The following MED13L variants were observed in gnomAD, a reference collection of about 807,000 sequenced individuals.
The protein encoded by MED13L is mediator complex subunit 13L.
MED13L carries 7 observed loss-of-function variants against 220.9 expected under a neutral mutation model. That is an observed-to-expected ratio of 0.03 (90% CI 0.02 to 0.06). MED13L has a LOEUF of 0.06. Ranked by LOEUF, MED13L falls within the 10% of genes least tolerant of loss-of-function variation. The pLI is 1.00. For synonymous variants in MED13L, 1,011 were observed against 1,015.2 expected (o/e 1.00, Z 0.08); for missense variants, 1,965 against 2,760.5 (o/e 0.71, Z 6.46).
At chr12:116,024,777 G>A (rs1187461773) in intron 4 of MED13L, among the ~76,000 whole-genome samples, 1 of 96,290 alleles carries the variant, frequency 1.0e-5, no homozygotes, top group Admixed American at 1.1e-4. Flanking sequence ...GCGGGGCGGG[G>A]GGGGGGGGGA....
At chr12:116,272,991 A>G (rs1289416916) in intron 1 of MED13L, among the ~76,000 whole-genome samples, 2 of 152,236 alleles carry the variant, frequency 1.3e-5, no homozygotes, top group Non-Finnish European at 2.9e-5. Flanking sequence ...ATACATTAAC[A>G]AATTGTAAAT....
rs139711748 is a variant in MED13L, at chr12:115,991,624, A to G, written c.3330T>C (p.Tyr1110=). The change falls in exon 17 of 31, where the codon TAT becomes TAC. Residue 1110 remains tyrosine (Y), a synonymous_variant. Transcript: ENST00000281928. This position sits in a 1 kb window ranked among gnomAD's most constrained non-coding sequence, Gnocchi z 7.7. ...MQPIPEAHSL[Y]VTLILSDSVM... Reference sequence around the variant, plus strand: ...CGGAATCGGAGAGAATCAGGGTAACATAGAGGCTGTGGGCTTCGGGAATTG... The same window carrying G: ...CGGAATCGGAGAGAATCAGGGTAACGTAGAGGCTGTGGGCTTCGGGAATTG... The G allele has an allele frequency of 1.9e-4, 310 of 1,614,132 alleles. No individual in the cohort carries two copies. The African/African-American group carries it at 3.7e-3, about 19-fold the overall frequency.
intron 3 of MED13L, among the ~76,000 whole-genome samples, chr12:116,107,863 G>A (rs780205979): frequency 3.3e-5 from 5 of 152,160 alleles, no homozygotes; most frequent in South Asian, 2.1e-4. Context: ...AGGCCAAGGC[G>A]GGTGGATCAC....
chr12:115,961,633 T>G (rs1875762241), intron 30 of MED13L: 1 of 582,242 alleles, frequency 1.7e-6, no homozygotes, highest in Admixed American at 2.8e-5. Flanking sequence ...GTGAGGCCAG[T>G]AGGAACTTGC....
At chr12:116,105,157 A>G (rs551301083) in intron 3 of MED13L, among the ~76,000 whole-genome samples, 1 of 152,354 alleles carries the variant, frequency 6.6e-6, no homozygotes, top group East Asian at 1.9e-4. Flanking sequence ...CCCATCGTCT[A>G]TTGATAGCCA....
At chr12:116,067,854 A>AT (rs1213737974) in intron 4 of MED13L, among the ~76,000 whole-genome samples, 6 of 152,226 alleles carry the variant, frequency 3.9e-5, no homozygotes, top group Non-Finnish European at 8.8e-5. Flanking sequence ...GCTTGCAGCA[A>AT]ATGTCTGGAA....
chr12:116,131,573 G>A (rs572734062), intron 2 of MED13L, among the ~76,000 whole-genome samples: 4 of 152,278 alleles, frequency 2.6e-5, no homozygotes, highest in South Asian at 2.1e-4. Context: ...TTTAACAGAC[G>A]TTACGATGAA....
intron 9 of MED13L, among the ~76,000 whole-genome samples, chr12:116,011,728 C>T (rs997441966): frequency 1.3e-5 from 2 of 152,208 alleles, no homozygotes; most frequent in African/African-American, 4.8e-5. Context: ...GCAACTTCTT[C>T]AAAAACATCC....
At position 115,960,244 on chromosome 12, in the gene MED13L, A is replaced by C. The variant is rs1875676981; in HGVS notation, c.*1022T>G. The C allele has an allele frequency of 6.6e-6, 1 of 152,668 alleles. No homozygotes were observed. The highest frequency in any genetic ancestry group is 2.1e-4 in the South Asian group (1 of 4,834). The allele number at this position is 152,668 out of a possible 1,614,324, so 9.5% of individuals were successfully genotyped here. On this transcript the variant is annotated 3_prime_UTR_variant, in exon 31 of 31. Transcript: ENST00000281928. ...ACACTTTCAATTGTTGTATGTACATAAGTCCCTTTTGATCTAATGAGAGGA... is the reference window on the plus strand; with the variant it reads ...ACACTTTCAATTGTTGTATGTACATCAGTCCCTTTTGATCTAATGAGAGGA...
chr12:116,256,304 A>C (rs1872036009), intron 1 of MED13L, among the ~76,000 whole-genome samples: 2 of 151,998 alleles, frequency 1.3e-5, no homozygotes, highest in Non-Finnish European at 2.9e-5. Flanking sequence ...AAAAAAAAAA[A>C]ACCCTACTTA....
intron 4 of MED13L, among the ~76,000 whole-genome samples, chr12:116,049,006 T>A (rs1050197652): frequency 6.6e-6 from 1 of 152,156 alleles, no homozygotes; most frequent in Admixed American, 6.5e-5. Context: ...AGAGTGAAAA[T>A]GACCAGCTTC....
intron 11 of MED13L, 27 bp downstream of exon 11, chr12:116,007,384 C>G: frequency 1.3e-6 from 2 of 1,580,282 alleles, no homozygotes; most frequent in Non-Finnish European, 1.7e-6. Flanking sequence ...CCACACCATG[C>G]TGGACTCTCT....
chr12:116,216,502 C>T (rs17580661), intron 2 of MED13L, among the ~76,000 whole-genome samples: 7,495 of 152,160 alleles, frequency 0.049, 226 homozygotes, highest in East Asian at 0.084. Flanking sequence ...AGAATCAATG[C>T]TTGCCTCAAG....
At chr12:116,066,639 A>C (rs980106216) in intron 4 of MED13L, among the ~76,000 whole-genome samples, 10 of 152,152 alleles carry the variant, frequency 6.6e-5, no homozygotes, top group Non-Finnish European at 1.2e-4. Flanking sequence ...ATCCTGTAAC[A>C]CTATGATTAT....
intron 4 of MED13L, among the ~76,000 whole-genome samples, chr12:116,085,028 A>G (rs1384000614): frequency 6.6e-6 from 1 of 152,190 alleles, no homozygotes; most frequent in East Asian, 1.9e-4. Flanking sequence ...ATAACAGTTA[A>G]CACTAAAGAA....
At chr12:116,007,939 T>C (rs867462052) in intron 10 of MED13L, 13 of 414,040 alleles carry the variant, frequency 3.1e-5, no homozygotes, top group South Asian at 7.8e-5. Context: ...CGTAATAATA[T>C]GGTACAGTGA....
chr12:116,067,489 G>A (rs935005995), intron 4 of MED13L, among the ~76,000 whole-genome samples: 1 of 152,154 alleles, frequency 6.6e-6, no homozygotes, highest in Non-Finnish European at 1.5e-5. Context: ...TAAAATGGTA[G>A]ATGTTAGATC....
intron 4 of MED13L, among the ~76,000 whole-genome samples, chr12:116,030,830 A>C (rs776096090): frequency 2.0e-5 from 3 of 152,096 alleles, no homozygotes; most frequent in Non-Finnish European, 2.9e-5. Flanking sequence ...TATAAAAATA[A>C]AAGAATTTGA....
chr12:116,214,387 G>A (rs1882881011), intron 2 of MED13L, among the ~76,000 whole-genome samples: 1 of 151,958 alleles, frequency 6.6e-6, no homozygotes, highest in African/African-American at 2.4e-5. Flanking sequence ...AGTGAACCTG[G>A]AATTCTTTTC....
Sources: gnomAD v4.1 joint callset for allele counts (sites outside exome capture counted in the v4.1 genomes callset) on GRCh38, gnomAD v4.1.1 for gene constraint, Gnocchi (gnomAD v3.1) non-coding constraint, MANE v1.5 for transcripts, NCBI Gene and HGNC (gene_info 2026-07-23, HGNC 2026-07-21) for gene names.